Variants in NINJ2 observed in about 807,000 individuals in gnomAD.
The protein encoded by NINJ2 is ninjurin 2.
NINJ2 carries 12 observed loss-of-function variants against 11.7 expected under a neutral mutation model. That is an observed-to-expected ratio of 1.02 (90% CI 0.66 to 1.66). The LOEUF (loss-of-function observed/expected upper bound fraction) is 1.66, where lower values mean the gene tolerates loss of function less well. NINJ2 is among the 40% of genes most tolerant of loss of function. NINJ2 has a pLI of 0.00. For missense variants in NINJ2, 187 were observed against 181.8 expected (o/e 1.03, Z -0.16); for synonymous variants, 93 against 76.8 (o/e 1.21, Z -1.10).
chr12:578,480 C>T (rs1212055582), intron 1 of NINJ2, among the ~76,000 whole-genome samples: 1 of 152,050 alleles, frequency 6.6e-6, no homozygotes, highest in African/African-American at 2.4e-5. Flanking sequence ...CACTACACTA[C>T]ATTTTTAAAA....
At chr12:588,742 C>A (rs1947677417) in intron 1 of NINJ2, among the ~76,000 whole-genome samples, 1 of 152,060 alleles carries the variant, frequency 6.6e-6, no homozygotes, top group Admixed American at 6.6e-5. Flanking sequence ...TCTGTGGAGG[C>A]CTTAAAAATG....
chr12:593,861 G>A (rs904592043), intron 1 of NINJ2, among the ~76,000 whole-genome samples: 1 of 152,074 alleles, frequency 6.6e-6, no homozygotes, highest in Non-Finnish European at 1.5e-5. Context: ...AACTTATCAG[G>A]GAAGGGGGCA....
In NINJ2 at chr12:590,366, G is replaced by C. The variant is rs1947701431; in HGVS notation, c.34-24188C>G. On this transcript the variant is annotated intron_variant, in intron 1 of 3. Transcript: ENST00000305108. ...AAGAGAGGGTGAGGAAACAGAACTG[G>C]CAGGACTGGGTGAGCGATTGGATGC... Among the ~76,000 whole-genome samples the C allele has an allele frequency of 2.0e-5, 3 of 152,226 alleles. No homozygotes were observed. In the South Asian group the frequency reaches 6.2e-4, roughly 32 times the overall value.
chr12:603,801 C>T (rs1592091296), intron 1 of NINJ2, among the ~76,000 whole-genome samples: 1 of 152,086 alleles, frequency 6.6e-6, no homozygotes, highest in Admixed American at 6.6e-5. Flanking sequence ...GCTGGGACTA[C>T]AGGCACGCAC....
rs1948402995 is a variant in NINJ2 at position 640,315 on chromosome 12, G to C, written c.33+23013C>G. Among the ~76,000 whole-genome samples the C allele has an allele frequency of 6.6e-6, 1 of 152,154 alleles. No individual in the cohort carries two copies. The highest frequency in any genetic ancestry group is 6.6e-5 in the Admixed American group (1 of 15,264). ...AAGAACCATCATATCCAAAGTCCTT[G>C]TTTTACAAATGTGGCAACTGAAGCT... On this transcript the variant is annotated intron_variant, in intron 1 of 3. Transcript: ENST00000305108. The surrounding 1 kb of genome is among the most constrained non-coding windows in gnomAD (Gnocchi z 4.0).
Position 663,242 on chromosome 12 carries a change from C to G in NINJ2, c.33+86G>C. 2.4e-6 allele frequency: 3 copies of G among 1,237,824 alleles called. No homozygotes were observed. In the South Asian group the frequency reaches 4.0e-5, roughly 16 times the overall value. The allele number at this position is 1,237,824 out of a possible 1,614,324, so 76.7% of individuals were successfully genotyped here. On this transcript the variant is annotated intron_variant, in intron 1 of 3. Coordinates refer to ENST00000305108, the MANE Select transcript of NINJ2 (RefSeq NM_016533.6). ...AGAAGAGAACGGGGAGGGAGAATAT[C>G]AAGTGACTAAAGTATCAATCCTCTG...
chr12:629,177 T>C (rs1033611633), intron 1 of NINJ2, among the ~76,000 whole-genome samples: 3 of 152,338 alleles, frequency 2.0e-5, no homozygotes, highest in Middle Eastern at 3.4e-3. Flanking sequence ...CTGGCAATGA[T>C]ACCCTCTTAT....
At chr12:659,669 C>T (rs1937930271) in intron 1 of NINJ2, among the ~76,000 whole-genome samples, 1 of 152,222 alleles carries the variant, frequency 6.6e-6, no homozygotes, top group African/African-American at 2.4e-5. Context: ...AGCTGTGCTG[C>T]TGCTACCCAT....
At chr12:565,175 C>T (rs1947274079) in intron 3 of NINJ2, 42 bp downstream of exon 3, 10 of 1,524,512 alleles carry the variant, frequency 6.6e-6, no homozygotes, top group Non-Finnish European at 8.9e-6. Flanking sequence ...GAAGGGCCAC[C>T]TGGGGAGTCC....
Position 629,614 on chromosome 12 carries a change from A to G in NINJ2, c.33+33714T>C, listed in dbSNP as rs553917322. Reference sequence around the variant, plus strand: ...AAACATTATGAGTTCTTGGTTGGGCATGGTGGCTCACGCCTGTAATCCCAG... The same window carrying G: ...AAACATTATGAGTTCTTGGTTGGGCGTGGTGGCTCACGCCTGTAATCCCAG... On this transcript the variant is annotated intron_variant, in intron 1 of 3. Coordinates refer to ENST00000305108, the MANE Select transcript of NINJ2 (RefSeq NM_016533.6). 7.9e-3 allele frequency among the ~76,000 whole-genome samples: 1,198 copies of G among 152,108 alleles called. 12 individuals carry two copies. The highest frequency in any genetic ancestry group is 0.013 in the Non-Finnish European group (903 of 67,988).
chr12:601,345 GA>G (rs1455272936), intron 1 of NINJ2, among the ~76,000 whole-genome samples: 3 of 151,888 alleles, frequency 2.0e-5, no homozygotes, highest in South Asian at 2.1e-4. Flanking sequence ...AGGAGATCGA[GA>G]CCATCCTGGC....
chr12:612,243 T>A (rs1948041584), intron 1 of NINJ2, among the ~76,000 whole-genome samples: 1 of 152,200 alleles, frequency 6.6e-6, no homozygotes, highest in Non-Finnish European at 1.5e-5. Context: ...AACTTCCATT[T>A]TGGTCTAAGC....
In NINJ2 at chr12:566,017, G is replaced by C; in HGVS notation, c.195C>G (p.Thr65=). ...GAGAGAGGCTGATGAGGGTGACCAG[G>C]GTGGTGTAGTAGTGAGAGGATGGTC... ...EQGPSSHYYT[T]LVTLISLSLL... The change falls in exon 2 of 4, where the codon ACC becomes ACG. Residue 65 remains threonine, a synonymous_variant. Coordinates refer to ENST00000305108, the MANE Select transcript of NINJ2 (RefSeq NM_016533.6). The C allele has an allele frequency of 1.2e-6, 2 of 1,614,218 alleles. No individual in the cohort carries two copies. The highest frequency in any genetic ancestry group is 1.7e-6 in the Non-Finnish European group (2 of 1,180,040).
Position 581,123 on chromosome 12 carries a change from G to A in NINJ2, c.34-14945C>T, listed in dbSNP as rs531020510. Among the ~76,000 whole-genome samples the A allele has an allele frequency of 6.0e-5, 9 of 150,950 alleles. No homozygotes were observed. In the South Asian group the frequency reaches 1.1e-3, roughly 18 times the overall value. On this transcript the variant is annotated intron_variant, in intron 1 of 3. Transcript: ENST00000305108. This position sits in a 1 kb window ranked among gnomAD's most constrained non-coding sequence, Gnocchi z 4.9. The stretch of plus-strand genomic sequence containing the variant: ...TCTGTGTGTCTGTGTCTGTGTGTGC[G>A]TGTCTCTGTGCCTCTGTGTGTGTGT...
intron 1 of NINJ2, among the ~76,000 whole-genome samples, chr12:635,270 T>C (rs925483754): frequency 6.6e-6 from 1 of 152,066 alleles, no homozygotes; most frequent in Non-Finnish European, 1.5e-5. Context: ...AGGCTGGTCT[T>C]GAACTCCTGA....
At chr12:601,115 T>C (rs115702948) in intron 1 of NINJ2, among the ~76,000 whole-genome samples, 2,444 of 152,312 alleles carry the variant, frequency 0.016, 70 homozygotes, top group African/African-American at 0.055. Context: ...TGGCAGAGCA[T>C]TGTGAATGCT....
intron 1 of NINJ2, chr12:642,783 G>A (rs2369393): frequency 0.13 from 19,600 of 152,032 alleles, 1,547 homozygotes; most frequent in East Asian, 0.3. Flanking sequence ...AAGAGATGAA[G>A]CCACGTGACA....
chr12:659,057 T>TA (rs1401146749), intron 1 of NINJ2, among the ~76,000 whole-genome samples: 2 of 143,926 alleles, frequency 1.4e-5, no homozygotes, highest in Non-Finnish European at 1.5e-5. Context: ...ATATATAATA[T>TA]ATATATAATA....
At chr12:610,729 C>CAT in intron 1 of NINJ2, 1 of 206,254 alleles carries the variant, frequency 4.8e-6, no homozygotes, top group Non-Finnish European at 6.8e-6. Context: ...GAAATCTATT[C>CAT]TTTTTTTTTT....
Sources: gnomAD v4.1 joint callset for allele counts (sites outside exome capture counted in the v4.1 genomes callset) on GRCh38, gnomAD v4.1.1 for gene constraint, Gnocchi (gnomAD v3.1) non-coding constraint, MANE v1.5 for transcripts, NCBI Gene and HGNC (gene_info 2026-07-23, HGNC 2026-07-21) for gene names.